Variants in PCDHGA6 observed in about 807,000 individuals in gnomAD.
PCDHGA6 encodes protocadherin gamma subfamily A, 6.
In PCDHGA6, 41 loss-of-function variants were observed where a neutral mutation model predicts 60.6. The ratio of observed to expected loss-of-function variants is 0.68; its 90% CI spans 0.53 to 0.88. PCDHGA6 has a LOEUF of 0.88. Ranked by LOEUF, PCDHGA6 falls within the 40% of genes least tolerant of loss-of-function variation. PCDHGA6 has a pLI of 0.00. For synonymous variants in PCDHGA6, 594 were observed against 524.4 expected, an observed-to-expected ratio of 1.13 and a Z score of -1.81; for missense variants, 1,312 against 1,203.0, an observed-to-expected ratio of 1.09 and a Z score of -1.34.
chr5:141,421,443 G>A (rs1561793987), intron 1 of PCDHGA6: 4 of 1,614,106 alleles, frequency 2.5e-6, no homozygotes, highest in Non-Finnish European at 2.5e-6. Flanking sequence ...CCAGAGGGAA[G>A]ACACAGCTTT....
intron 1 of PCDHGA6, among the ~76,000 whole-genome samples, chr5:141,483,644 G>GTGTT (rs919432945): frequency 6.8e-6 from 1 of 146,522 alleles, no homozygotes; most frequent in Non-Finnish European, 1.5e-5. Flanking sequence ...AGAGGGGTGT[G>GTGTT]TGTTTGTGTG....
chr5:141,383,304 G>T (rs1779007855), intron 1 of PCDHGA6: 1 of 1,613,800 alleles, frequency 6.2e-7, no homozygotes. Context: ...GATTCTTGAC[G>T]GAAGAAATAA....
At chr5:141,422,617 G>T (rs758903894) in intron 1 of PCDHGA6, 3 of 1,613,524 alleles carry the variant, frequency 1.9e-6, no homozygotes, top group Non-Finnish European at 2.5e-6. Context: ...CTACATTCCC[G>T]AAAACAACCC....
At chr5:141,384,149 T>G (rs1361199282) in intron 1 of PCDHGA6, 1 of 1,613,252 alleles carries the variant, frequency 6.2e-7, no homozygotes, top group Non-Finnish European at 8.5e-7. Flanking sequence ...ACACTCTCTT[T>G]GTATAACATC....
chr5:141,511,560 TC>T lies in PCDHGA6; in HGVS notation c.*390del. ...CCACCCCACTCCAACAGTTCCTCTT[TC>T]CCGAGTAAGGTGGTTGGGGTGTTGA... On this transcript the variant is annotated 3_prime_UTR_variant, in exon 4 of 4. Transcript: ENST00000517434. 3.3e-6 allele frequency: 1 copy of T among 298,990 alleles called. No individual in the cohort carries two copies. The highest frequency in any genetic ancestry group is 3.7e-5 in the South Asian group (1 of 27,250). The allele number at this position is 298,990 out of a possible 1,614,324, so 18.5% of individuals were successfully genotyped here. A position where few individuals can be genotyped will look rare whatever the true frequency, so the allele number is the denominator to read the frequency against.
At position 141,485,291 on chromosome 5, in the gene PCDHGA6, C is replaced by A. The variant is rs114678203; in HGVS notation, c.2425-9516C>A. 436 of 1,614,150 alleles carry A rather than the reference C, an allele frequency of 2.7e-4. No homozygotes were observed. Among genetic ancestry groups the A allele is most frequent in the Middle Eastern group, 8.2e-4 (5 of 6,062 alleles). Reference sequence around the variant, plus strand: ...CCGCTACCCGGTCCCAGAGGAGTCACAGGAAGGGACTTTTGTAGGGAATGT... The same window carrying A: ...CCGCTACCCGGTCCCAGAGGAGTCAAAGGAAGGGACTTTTGTAGGGAATGT... On this transcript the variant is annotated intron_variant, in intron 1 of 3. Coordinates refer to ENST00000517434, the MANE Select transcript of PCDHGA6 (RefSeq NM_018919.3). The surrounding 1 kb of genome is among the most constrained non-coding windows in gnomAD (Gnocchi z 5.7).
chr5:141,427,973 C>T (rs754410723), intron 1 of PCDHGA6: 3 of 1,594,054 alleles, frequency 1.9e-6, no homozygotes, highest in Non-Finnish European at 2.6e-6. Context: ...TGCTGTACCC[C>T]GCGCTGGGGC....
At chr5:141,404,215 G>T (rs1372288822) in intron 1 of PCDHGA6, 15 of 1,613,346 alleles carry the variant, frequency 9.3e-6, no homozygotes, top group Non-Finnish European at 1.3e-5. Context: ...ATAATATCAC[G>T]GTGACTGCAA....
chr5:141,435,792 A>G (rs2097780110), intron 1 of PCDHGA6, among the ~76,000 whole-genome samples: 1 of 152,074 alleles, frequency 6.6e-6, no homozygotes, highest in South Asian at 2.1e-4. Context: ...AGGGAAACAT[A>G]ACGTCCCAAT....
At chr5:141,484,155 T>G (rs2099592564) in intron 1 of PCDHGA6, among the ~76,000 whole-genome samples, 1 of 152,224 alleles carries the variant, frequency 6.6e-6, no homozygotes, top group Non-Finnish European at 1.5e-5. Context: ...GTAGGCACAA[T>G]GCTGTTGGTA....
In PCDHGA6 at chr5:141,432,596, G is replaced by T; in HGVS notation, c.2424+56089G>T. On this transcript the variant is annotated intron_variant, in intron 1 of 3. Transcript: ENST00000517434. This position sits in a 1 kb window ranked among gnomAD's most constrained non-coding sequence, Gnocchi z 6.0. The stretch of plus-strand genomic sequence containing the variant: ...GTCCTACCGTCTGCTCAAGGCCAGC[G>T]AGCCGGGACTCTTCTCGGTGGGTCT... 6.8e-6 allele frequency: 11 copies of T among 1,613,926 alleles called. No individual in the cohort carries two copies. The highest frequency in any genetic ancestry group is 9.3e-6 in the Non-Finnish European group (11 of 1,179,972).
intron 2 of PCDHGA6, among the ~76,000 whole-genome samples, chr5:141,503,085 C>T (rs1284066265): frequency 6.6e-6 from 1 of 152,044 alleles, no homozygotes; most frequent in Non-Finnish European, 1.5e-5. Context: ...GATCTCCTGA[C>T]CTCGTGGTCT....
chr5:141,405,346 G>C (rs184640789), intron 1 of PCDHGA6: 4 of 1,614,108 alleles, frequency 2.5e-6, no homozygotes, highest in Non-Finnish European at 3.4e-6. Context: ...TTGATTCCAA[G>C]TTTCCTATAG....
Position 141,491,636 on chromosome 5 carries a change from C to T in PCDHGA6, c.2425-3171C>T. ...AGACCCCTCAGCGTTCAGCAGCCCA[C>T]AGCTCTGGCGCTGGAGCCTGACGCC... On this transcript the variant is annotated intron_variant, in intron 1 of 3. Coordinates refer to ENST00000517434, the MANE Select transcript of PCDHGA6 (RefSeq NM_018919.3). This position sits in a 1 kb window ranked among gnomAD's most constrained non-coding sequence, Gnocchi z 6.9. 6.2e-7 allele frequency: 1 copy of T among 1,613,922 alleles called. No homozygotes were observed. Among genetic ancestry groups the T allele is most frequent in the Non-Finnish European group, 8.5e-7 (1 of 1,180,020 alleles).
Position 141,431,721 on chromosome 5 carries a change from C to T in PCDHGA6, c.2424+55214C>T. The T allele has an allele frequency of 1.2e-6, 2 of 1,614,246 alleles. No homozygotes were observed. Among genetic ancestry groups the T allele is most frequent in the Non-Finnish European group, 1.7e-6 (2 of 1,180,044 alleles). On this transcript the variant is annotated intron_variant, in intron 1 of 3. Transcript: ENST00000517434. The surrounding 1 kb of genome is among the most constrained non-coding windows in gnomAD (Gnocchi z 4.8). ...GGATTCTACCAGATGGAAGTGCAAGCAATGGATAATGCAGGATATTCTGCG... is the reference window on the plus strand; with the variant it reads ...GGATTCTACCAGATGGAAGTGCAAGTAATGGATAATGCAGGATATTCTGCG...
In PCDHGA6 at chr5:141,485,219, A is replaced by C. The variant is rs954128321; in HGVS notation, c.2425-9588A>C. 20 of 1,613,930 alleles carry C rather than the reference A, an allele frequency of 1.2e-5. No individual in the cohort carries two copies. The highest frequency in any genetic ancestry group is 1.6e-5 in the Non-Finnish European group (19 of 1,179,944). On this transcript the variant is annotated intron_variant, in intron 1 of 3. Coordinates refer to ENST00000517434, the MANE Select transcript of PCDHGA6 (RefSeq NM_018919.3). The surrounding 1 kb of genome is among the most constrained non-coding windows in gnomAD (Gnocchi z 5.7). The stretch of plus-strand genomic sequence containing the variant: ...CTGGACAGAAATCTGGCGGTGGGCT[A>C]CCCTTTTGTTCCTCTTTTACCACCT...
Position 141,374,451 on chromosome 5 carries a change from T to C in PCDHGA6, c.368T>C (p.Ile123Thr). ...AATCTTTATCCCGTGGAAGTGGAAATAGTGGACATTAATGACAATACACCC... is the reference window on the plus strand; with the variant it reads ...AATCTTTATCCCGTGGAAGTGGAAACAGTGGACATTAATGACAATACACCC... ...KLNLYPVEVE[I>T]VDINDNTPRF... is the part of the protein sequence containing the mutation. Residue 123 changes from isoleucine to threonine, a missense_variant, in exon 1 of 4, where the codon ATA (isoleucine) becomes ACA (threonine). Physicochemically the swap from Ile to Thr is moderately conservative, Grantham distance 89 (BLOSUM62 -1). Coordinates refer to ENST00000517434, the MANE Select transcript of PCDHGA6 (RefSeq NM_018919.3). 6.2e-7 allele frequency: 1 copy of C among 1,613,730 alleles called. No homozygotes were observed. Among genetic ancestry groups the C allele is most frequent in the Non-Finnish European group, 8.5e-7 (1 of 1,179,694 alleles).
In PCDHGA6 at chr5:141,390,225, G is replaced by A. The variant is rs886390636; in HGVS notation, c.2424+13718G>A. 25 of 1,613,922 alleles carry A rather than the reference G, an allele frequency of 1.5e-5. No individual in the cohort carries two copies. Among genetic ancestry groups the A allele is most frequent in the Non-Finnish European group, 1.9e-5 (23 of 1,179,908 alleles). On this transcript the variant is annotated intron_variant, in intron 1 of 3. Transcript: ENST00000517434. Reference sequence around the variant, plus strand: ...TTCAGGACAAGACATACTTTGCGGTGATTCATCTGGGGCCTTATTTCCACT... The same window carrying A: ...TTCAGGACAAGACATACTTTGCGGTAATTCATCTGGGGCCTTATTTCCACT...
intron 1 of PCDHGA6, chr5:141,392,593 C>T (rs986653235): frequency 1.0e-5 from 5 of 494,076 alleles, no homozygotes; most frequent in Admixed American, 7.6e-5. Flanking sequence ...CCGCTGTTCA[C>T]CTACTGGAAG....
Sources: allele counts gnomAD v4.1 joint callset (sites outside exome capture counted in the v4.1 genomes callset), GRCh38; gene constraint gnomAD v4.1.1; non-coding constraint Gnocchi (gnomAD v3.1); transcripts MANE v1.5; gene names NCBI Gene and HGNC (gene_info 2026-07-23, HGNC 2026-07-21).